The following ZNF608 variants were observed in gnomAD, a reference collection of about 807,000 sequenced individuals.
ZNF608 encodes the protein renal carcinoma antigen NY-REN-36.
Under a neutral mutation model 109.0 loss-of-function variants are expected in ZNF608, and 12 were observed. The observed-to-expected ratio is 0.11, with a 90% CI of 0.07 to 0.18. ZNF608 has a LOEUF of 0.18. Among genes scored for constraint, ZNF608 ranks in the 10% least tolerant of loss-of-function variants. The pLI is 1.00. For missense variants in ZNF608, 1,707 were observed against 1,879.3 expected, an observed-to-expected ratio of 0.91 and a Z score of 1.70; for synonymous variants, 732 against 717.4, an observed-to-expected ratio of 1.02 and a Z score of -0.33.
chr5:124,721,941 C>CA (rs199699487), intron 2 of ZNF608, among the ~76,000 whole-genome samples: 3,581 of 20,756 alleles, frequency 0.17, 988 homozygotes, highest in Non-Finnish European at 0.22. Context: ...GACTCTGTCT[C>CA]AAAAAAAAAA....
At chr5:124,678,004 A>G (rs1752026986) in intron 3 of ZNF608, among the ~76,000 whole-genome samples, 1 of 152,162 alleles carries the variant, frequency 6.6e-6, no homozygotes, top group Non-Finnish European at 1.5e-5. Context: ...AATTTACTGC[A>G]GGCTCTTAAT....
chr5:124,739,094 T>C (rs1027987290), intron 2 of ZNF608, among the ~76,000 whole-genome samples: 3 of 152,200 alleles, frequency 2.0e-5, no homozygotes, highest in African/African-American at 4.8e-5. Context: ...TCGACTCTTT[T>C]GTCAGAACCC....
chr5:124,668,512 C>A (rs1048322479), intron 3 of ZNF608, among the ~76,000 whole-genome samples: 3 of 152,024 alleles, frequency 2.0e-5, no homozygotes, highest in Non-Finnish European at 4.4e-5. Context: ...ATGGCTAGTC[C>A]TGGGCCCTAA....
At chr5:124,715,142 C>T (rs1753641112) in intron 2 of ZNF608, among the ~76,000 whole-genome samples, 1 of 152,060 alleles carries the variant, frequency 6.6e-6, no homozygotes, top group South Asian at 2.1e-4. Flanking sequence ...AGGGGTACTT[C>T]AAGAATTAAA....
upstream of ZNF608, among the ~76,000 whole-genome samples, chr5:124,747,391 C>A (rs571018463): frequency 6.6e-6 from 1 of 151,578 alleles, no homozygotes; most frequent in Non-Finnish European, 1.5e-5. Flanking sequence ...AGTGGAGAGT[C>A]GCTTTGCTGG....
chr5:124,690,948 C>CAA (rs33992371), intron 3 of ZNF608, among the ~76,000 whole-genome samples: 69,459 of 139,602 alleles, frequency 0.5, 16,418 homozygotes, highest in East Asian at 0.66. Flanking sequence ...CACACACACA[C>CAA]ACACACATAA....
chr5:124,724,165 G>T (rs1240215453), intron 2 of ZNF608, among the ~76,000 whole-genome samples: 1 of 152,100 alleles, frequency 6.6e-6, no homozygotes. Flanking sequence ...TTTTAAAGGT[G>T]CAGATCAGTT....
intron 3 of ZNF608, among the ~76,000 whole-genome samples, chr5:124,665,178 C>G (rs1466828931): frequency 7.0e-6 from 1 of 143,602 alleles, no homozygotes; most frequent in Non-Finnish European, 1.5e-5. Context: ...TCCACCTCCC[C>G]CCAAAAAAAA....
chr5:124,734,923 T>G (rs1298894591), intron 2 of ZNF608: 2 of 152,244 alleles, frequency 1.3e-5, no homozygotes, highest in East Asian at 3.8e-4. Flanking sequence ...TTTGCATTAC[T>G]TAAACATATG....
intron 2 of ZNF608, among the ~76,000 whole-genome samples, chr5:124,701,964 G>A (rs987534086): frequency 1.3e-5 from 2 of 152,092 alleles, no homozygotes; most frequent in Non-Finnish European, 2.9e-5. Flanking sequence ...GGTTAAACTG[G>A]TAAAGATCCC....
intron 3 of ZNF608, among the ~76,000 whole-genome samples, chr5:124,673,550 G>A (rs981732141): frequency 7.4e-5 from 11 of 148,894 alleles, no homozygotes; most frequent in Non-Finnish European, 1.3e-4. Flanking sequence ...TCTATTGAAT[G>A]AGCTCAGCTT....
chr5:124,643,307 C>T (rs1750330830), intron 7 of ZNF608, among the ~76,000 whole-genome samples: 1 of 152,176 alleles, frequency 6.6e-6, no homozygotes, highest in African/African-American at 2.4e-5. Context: ...AAGCTTGCTA[C>T]TGCCATACGT....
Position 124,648,521 on chromosome 5 carries a change from C to A in ZNF608, c.1863G>T (p.Gln621His), listed in dbSNP as rs1416892634. The part of the protein sequence containing the change: ...EPSTSVSAYD[Q>H]LKAPASPGAG... Reference sequence around the variant, plus strand: ...CACCAGGGGATGCCGGTGCCTTCAACTGGTCATAAGCAGATACACTTGTGC... The same window carrying A: ...CACCAGGGGATGCCGGTGCCTTCAAATGGTCATAAGCAGATACACTTGTGC... Residue 621 changes from glutamine (Q) to histidine (H), a missense_variant, in exon 5 of 10, where the codon CAG becomes CAT. Physicochemically the swap from Gln to His is conservative, Grantham distance 24. Coordinates refer to ENST00000513986, the MANE Select transcript of ZNF608 (RefSeq NM_020747.3). The A allele has an allele frequency of 7.4e-6, 12 of 1,614,096 alleles. No individual in the cohort carries two copies. In the East Asian group the frequency reaches 1.1e-4, roughly 15 times the overall value.
chr5:124,701,309 C>T (rs765909448), intron 2 of ZNF608, 40 bp from the exon 3 acceptor site: 17 of 1,603,630 alleles, frequency 1.1e-5, no homozygotes, highest in East Asian at 2.2e-5. Flanking sequence ...TGCTGCATTC[C>T]GTGAATTCCT....
chr5:124,697,748 C>G (rs970434552), intron 3 of ZNF608, among the ~76,000 whole-genome samples: 1 of 152,130 alleles, frequency 6.6e-6, no homozygotes, highest in Non-Finnish European at 1.5e-5. Context: ...ACTCCAAACA[C>G]AAGAAACAAT....
chr5:124,690,004 A>G (rs1280678745), intron 3 of ZNF608, among the ~76,000 whole-genome samples: 2 of 152,052 alleles, frequency 1.3e-5, no homozygotes, highest in African/African-American at 4.8e-5. Context: ...GGACAAATAA[A>G]CCATGATACA....
At chr5:124,729,023 A>T (rs1580706302) in intron 2 of ZNF608, among the ~76,000 whole-genome samples, 1 of 152,206 alleles carries the variant, frequency 6.6e-6, no homozygotes, top group East Asian at 1.9e-4. Context: ...CTAACTTTAC[A>T]AAAGGGGAGG....
At chr5:124,704,082 T>C (rs1753162967) in intron 2 of ZNF608, among the ~76,000 whole-genome samples, 1 of 152,224 alleles carries the variant, frequency 6.6e-6, no homozygotes, top group African/African-American at 2.4e-5. Flanking sequence ...CTGATATTTA[T>C]AGCAAGAACT....
chr5:124,723,929 G>A (rs1042819987), intron 2 of ZNF608, among the ~76,000 whole-genome samples: 1 of 151,832 alleles, frequency 6.6e-6, no homozygotes, highest in Non-Finnish European at 1.5e-5. Context: ...TCAATATTTA[G>A]GAAAATAAAT....
Sources: gnomAD v4.1 joint callset for allele counts (sites outside exome capture counted in the v4.1 genomes callset) on GRCh38, gnomAD v4.1.1 for gene constraint, MANE v1.5 for transcripts, NCBI Gene and HGNC (gene_info 2026-07-23, HGNC 2026-07-21) for gene names.